PITPNB: variants seen among roughly 807,000 people sequenced by gnomAD.
PITPNB encodes phosphatidylinositol transfer protein beta.
In PITPNB, 16 loss-of-function variants were observed where a neutral mutation model predicts 45.9. That is an observed-to-expected ratio of 0.35 (90% CI 0.24 to 0.53). The LOEUF is 0.53. Among genes scored for constraint, PITPNB ranks in the 20% least tolerant of loss-of-function variants. The probability of loss-of-function intolerance (pLI) is 0.93; values close to 1 mark genes in which losing one functional copy is unlikely to be tolerated. For missense variants in PITPNB, 188 were observed against 330.5 expected (o/e 0.57, Z 3.34); for synonymous variants, 112 against 108.9 (o/e 1.03, Z -0.18).
chr22:27,873,747 G>T lies in PITPNB; in HGVS notation c.525C>A (p.Pro175=). The part of the protein sequence containing the change: ...SVKTKRGPLG[P]NWKKELANSP... ...GGTCAGCATCCAGTACCTTCCAGTT[G>T]GGTCCCAAAGGGCCTCTCTTGGTCT... is the stretch of plus-strand genomic sequence containing the variant. Residue 175 remains proline (P), a synonymous_variant, in exon 8 of 12, where the codon CCC becomes CCA. Coordinates refer to ENST00000335272, the MANE Select transcript of PITPNB (RefSeq NM_012399.5). 1 of 1,604,314 alleles carries T rather than the reference G, an allele frequency of 6.2e-7. No individual in the cohort carries two copies. Among genetic ancestry groups the T allele is most frequent in the Non-Finnish European group, 8.5e-7 (1 of 1,171,128 alleles).
chr22:27,909,677 T>G (rs1569034714), intron 3 of PITPNB, among the ~76,000 whole-genome samples: 1 of 152,208 alleles, frequency 6.6e-6, no homozygotes, highest in Non-Finnish European at 1.5e-5. Flanking sequence ...TATCAAAATT[T>G]AAAAGGTGCA....
intron 3 of PITPNB, among the ~76,000 whole-genome samples, chr22:27,909,028 A>T (rs1199985022): frequency 2.0e-5 from 3 of 152,138 alleles, no homozygotes; most frequent in Admixed American, 1.3e-4. Context: ...ATATAAAAAA[A>T]ATCTGATCAT....
chr22:27,865,692 C>T (rs1934462712), intron 8 of PITPNB, among the ~76,000 whole-genome samples: 2 of 151,674 alleles, frequency 1.3e-5, no homozygotes, highest in South Asian at 4.2e-4. Context: ...TAAAAAAATA[C>T]AAATGTTGCG....
At chr22:27,892,572 T>C (rs1935311213) in intron 7 of PITPNB, among the ~76,000 whole-genome samples, 1 of 152,186 alleles carries the variant, frequency 6.6e-6, no homozygotes, top group African/African-American at 2.4e-5. Flanking sequence ...GCTCCAGGCT[T>C]GTAAGCTGTC....
intron 8 of PITPNB, among the ~76,000 whole-genome samples, chr22:27,865,159 T>C (rs770606972): frequency 1.3e-5 from 2 of 152,180 alleles, no homozygotes; most frequent in Non-Finnish European, 2.9e-5. Flanking sequence ...AGTTATCATT[T>C]AAAAATTTAA....
intron 7 of PITPNB, among the ~76,000 whole-genome samples, chr22:27,874,135 T>C (rs1934750279): frequency 6.6e-6 from 1 of 152,212 alleles, no homozygotes; most frequent in Admixed American, 6.5e-5. Flanking sequence ...AATTTAAGCA[T>C]TTTGATATAT....
chr22:27,880,898 G>C (rs1934951016), intron 7 of PITPNB, among the ~76,000 whole-genome samples: 1 of 152,238 alleles, frequency 6.6e-6, no homozygotes, highest in Admixed American at 6.5e-5. Flanking sequence ...TGGGATTACA[G>C]GCGTGAGCCA....
chr22:27,880,795 T>C (rs948764590), intron 7 of PITPNB, among the ~76,000 whole-genome samples: 1 of 152,176 alleles, frequency 6.6e-6, no homozygotes, highest in African/African-American at 2.4e-5. Flanking sequence ...GCTAATTTTG[T>C]ATTTTTAGTA....
intron 1 of PITPNB, among the ~76,000 whole-genome samples, chr22:27,917,086 T>G (rs892806380): frequency 6.6e-6 from 1 of 152,218 alleles, no homozygotes; most frequent in African/African-American, 2.4e-5. Flanking sequence ...GAGATACACA[T>G]GAAGAGTTAA....
rs566143106 is a variant in PITPNB at position 27,860,230 on chromosome 22, T to G, written c.546A>C (p.Ala182=). 6.2e-6 allele frequency: 10 copies of G among 1,604,234 alleles called. No individual in the cohort carries two copies. The South Asian group carries it at 1.1e-4, about 18-fold the overall frequency. The change falls in exon 9 of 12, where the codon GCA becomes GCC. Residue 182 remains alanine, a synonymous_variant. Transcript: ENST00000335272. ...PLGPNWKKEL[A]NSPDCPQMCA... ...ACATCTGGGGACAGTCAGGGCTGTT[T>G]GCCAGCTCCTTCTAGATGAGAAAAA...
intron 3 of PITPNB, among the ~76,000 whole-genome samples, chr22:27,907,657 T>C (rs1279752476): frequency 1.3e-5 from 2 of 152,084 alleles, no homozygotes; most frequent in Non-Finnish European, 2.9e-5. Flanking sequence ...GCCAACCTTC[T>C]ATGGGAATCA....
At chr22:27,903,717 A>G (rs35866626) in intron 3 of PITPNB, among the ~76,000 whole-genome samples, 2,195 of 147,968 alleles carry the variant, frequency 0.015, 24 homozygotes, top group Non-Finnish European at 0.026. Context: ...TCAAGGCTAC[A>G]GTGAGCTATC....
At chr22:27,857,540 G>A (rs1486842901) in intron 10 of PITPNB, among the ~76,000 whole-genome samples, 1 of 152,158 alleles carries the variant, frequency 6.6e-6, no homozygotes, top group Non-Finnish European at 1.5e-5. Flanking sequence ...TCACACGCAG[G>A]CGTCTGTCAA....
rs553508827 is a variant in PITPNB at position 27,894,736 on chromosome 22, T to C, written c.373-98A>G. On this transcript the variant is annotated intron_variant, in intron 6 of 11. Coordinates refer to ENST00000335272, the MANE Select transcript of PITPNB (RefSeq NM_012399.5). ...ATCTTGAGTCTCTCAGGGGACATTA[T>C]AGGGAATTAAAAGACCCAAATTATT... 267 of 625,208 alleles carry C rather than the reference T, an allele frequency of 4.3e-4. 1 individual carries two copies. Among genetic ancestry groups the C allele is most frequent in the Non-Finnish European group, 6.6e-4 (239 of 363,276 alleles). The allele number at this position is 625,208 out of a possible 1,614,324, so 38.7% of individuals were successfully genotyped here. A position where few individuals can be genotyped will look rare whatever the true frequency, so the allele number is the denominator to read the frequency against.
chr22:27,900,474 T>C (rs184645305), intron 3 of PITPNB, among the ~76,000 whole-genome samples: 4 of 152,352 alleles, frequency 2.6e-5, no homozygotes, highest in East Asian at 1.9e-4. Context: ...ATTTCTAAGA[T>C]ACTTTTCCCA....
At chr22:27,861,024 GAA>G (rs35013749) in intron 8 of PITPNB, among the ~76,000 whole-genome samples, 730 of 57,806 alleles carry the variant, frequency 0.013, 4 homozygotes, top group African/African-American at 0.037. Flanking sequence ...CCCATTTCTG[GAA>G]AAAAAAAAAA....
At chr22:27,894,431 T>C (rs1935376763) in intron 7 of PITPNB, 124 bp downstream of exon 7, 1 of 611,640 alleles carries the variant, frequency 1.6e-6, no homozygotes, top group South Asian at 2.0e-5. Context: ...CACTTCGGCA[T>C]AGAAATGTAG....
chr22:27,893,582 C>CTTT lies in PITPNB; in HGVS notation c.456+970_456+972dup, dbSNP rs745878388. Among the ~76,000 whole-genome samples the CTTT allele has an allele frequency of 3.3e-3, 247 of 74,046 alleles. 6 individuals are homozygous for CTTT. The highest frequency in any genetic ancestry group is 5.5e-3 in the African/African-American group (101 of 18,206). 48.6% of individuals were successfully genotyped at this position (74,046 alleles called of 152,430 possible). On this transcript the variant is annotated intron_variant, in intron 7 of 11. Coordinates refer to ENST00000335272, the MANE Select transcript of PITPNB (RefSeq NM_012399.5). ...ACAGGCTTGAGCCACCATGTCTAGC[C>CTTT]TTTTTTTTTTTTTTTTTTTTTTTTT...
chr22:27,857,746 T>A (rs1419148632), intron 10 of PITPNB, among the ~76,000 whole-genome samples: 1 of 152,016 alleles, frequency 6.6e-6, no homozygotes, highest in Non-Finnish European at 1.5e-5. Flanking sequence ...GAAGAATCCA[T>A]CCCGAGGAGA....
Sources: allele counts gnomAD v4.1 joint callset (sites outside exome capture counted in the v4.1 genomes callset), GRCh38; gene constraint gnomAD v4.1.1; transcripts MANE v1.5; gene names NCBI Gene and HGNC (gene_info 2026-07-23, HGNC 2026-07-21).